Variants in LEPROTL1 observed in about 807,000 individuals in gnomAD.
The protein encoded by LEPROTL1 is leptin receptor overlapping transcript like 1, also known as leptin receptor overlapping transcript-like 1.
In LEPROTL1, 6 loss-of-function variants were observed where a neutral mutation model predicts 15.4. The ratio of observed to expected loss-of-function variants is 0.39; its 90% confidence interval spans 0.21 to 0.77. The LOEUF is 0.77. Among genes scored for constraint, LEPROTL1 ranks in the 30% least tolerant of loss-of-function variants. The pLI is 0.41. For synonymous variants in LEPROTL1, 56 were observed against 52.6 expected (o/e 1.06, Z -0.28); for missense variants, 128 against 158.1 (o/e 0.81, Z 1.02).
Position 30,106,318 on chromosome 8 carries a change from T to G in LEPROTL1, c.*456T>G, listed in dbSNP as rs1402461773. The G allele has an allele frequency of 1.0e-6, 1 of 985,818 alleles. No individual in the cohort carries two copies. Among genetic ancestry groups the G allele is most frequent in the African/African-American group, 1.8e-5 (1 of 56,282 alleles). The allele number at this position is 985,818 out of a possible 1,614,324, so 61.1% of individuals were successfully genotyped here. On this transcript the variant is annotated 3_prime_UTR_variant, in exon 4 of 4. Transcript: ENST00000321250. ...AAAAATTATAAAAATAAGTTTTCAG[T>G]CAGTCAGGATGACATCACTCCCAAT...
chr8:30,137,852 T>A, downstream of LEPROTL1: 3 of 267,532 alleles, frequency 1.1e-5, no homozygotes, highest in South Asian at 1.3e-4. Flanking sequence ...TTAGGAGTCA[T>A]GCAGCTGGAG....
chr8:30,133,144 T>TG (rs1803064587), intron 4 of LEPROTL1, among the ~76,000 whole-genome samples: 1 of 152,186 alleles, frequency 6.6e-6, no homozygotes, highest in Non-Finnish European at 1.5e-5. Flanking sequence ...CTGAAACTCC[T>TG]GGGCTTAAGC....
chr8:30,123,556 T>G (rs1356301387), intron 3 of LEPROTL1, among the ~76,000 whole-genome samples: 2 of 152,212 alleles, frequency 1.3e-5, no homozygotes, highest in Non-Finnish European at 2.9e-5. Flanking sequence ...CCTAAATATG[T>G]CAGGTTTTCT....
At chr8:30,123,887 T>C (rs1802869761) in intron 3 of LEPROTL1, among the ~76,000 whole-genome samples, 1 of 152,054 alleles carries the variant, frequency 6.6e-6, no homozygotes, top group Admixed American at 6.6e-5. Context: ...ACATGAATGA[T>C]GTAAAGGAGC....
chr8:30,119,392 C>G (rs1802793189), intron 3 of LEPROTL1, among the ~76,000 whole-genome samples: 2 of 152,180 alleles, frequency 1.3e-5, no homozygotes, highest in Non-Finnish European at 2.9e-5. Flanking sequence ...CCTACAGTCT[C>G]CCTCATTGGC....
chr8:30,115,924 C>T (rs1377217820), intron 3 of LEPROTL1, among the ~76,000 whole-genome samples: 2 of 152,056 alleles, frequency 1.3e-5, no homozygotes, highest in Non-Finnish European at 2.9e-5. Flanking sequence ...TAGTTGGTCT[C>T]AACCTTCTAA....
chr8:30,120,916 A>G (rs7002577), intron 3 of LEPROTL1, among the ~76,000 whole-genome samples: 131,569 of 152,156 alleles, frequency 0.86, 57,920 homozygotes, highest in South Asian at 0.98. Context: ...ATATACCCGC[A>G]TAATTCTATA....
intron 3 of LEPROTL1, among the ~76,000 whole-genome samples, chr8:30,130,981 T>C (rs974983743): frequency 6.6e-6 from 1 of 151,900 alleles, no homozygotes; most frequent in Admixed American, 6.6e-5. Context: ...GGTTTCACCA[T>C]ATTGGCCAGG....
rs1802558979 is a variant in LEPROTL1, at chr8:30,105,963, C to A, written c.*101C>A. On this transcript the variant is annotated 3_prime_UTR_variant, in exon 4 of 4. Coordinates refer to ENST00000321250, the MANE Select transcript of LEPROTL1 (RefSeq NM_015344.3). Reference sequence around the variant, plus strand: ...GTTAATGCTGAATGGTATAGCAAGCCTCTTGGGGGTATTTTAGGTGCTCCC... The same window carrying A: ...GTTAATGCTGAATGGTATAGCAAGCATCTTGGGGGTATTTTAGGTGCTCCC... The A allele has an allele frequency of 7.6e-7, 1 of 1,317,932 alleles. No individual in the cohort carries two copies. The highest frequency in any genetic ancestry group is 2.1e-5 in the South Asian group (1 of 46,788). 81.6% of individuals were successfully genotyped at this position (1,317,932 alleles called of 1,614,324 possible). A position where few individuals can be genotyped will look rare whatever the true frequency, so the allele number is the denominator to read the frequency against.
chr8:30,101,201 T>C (rs920877254), intron 1 of LEPROTL1, among the ~76,000 whole-genome samples: 2 of 152,202 alleles, frequency 1.3e-5, no homozygotes, highest in Non-Finnish European at 2.9e-5. Context: ...TCCAGTAAAC[T>C]TGAGCATGTG....
At chr8:30,099,701 G>T (rs1043983191) in intron 1 of LEPROTL1, among the ~76,000 whole-genome samples, 1 of 152,060 alleles carries the variant, frequency 6.6e-6, no homozygotes, top group Admixed American at 6.6e-5. Context: ...AAAGTAGAGA[G>T]GAGTGGGAAA....
rs1802343909 is a variant in LEPROTL1, at chr8:30,095,479, C to T, written c.-34C>T. ...CGGCTGCCGCTGCTGCCGCCGCCGC[C>T]TCGGGTCGTGGAGCCAGGAGCGACG... On this transcript the variant is annotated 5_prime_UTR_variant, in exon 1 of 4. Coordinates refer to ENST00000321250, the MANE Select transcript of LEPROTL1 (RefSeq NM_015344.3). 1 of 1,466,158 alleles carries T rather than the reference C, an allele frequency of 6.8e-7. No individual in the cohort carries two copies. The highest frequency in any genetic ancestry group is 1.3e-5 in the South Asian group (1 of 76,952). 90.8% of individuals were successfully genotyped at this position (1,466,158 alleles called of 1,614,324 possible).
At position 30,106,798 on chromosome 8, in the gene LEPROTL1, T is replaced by C. The variant is rs1802576110; in HGVS notation, c.*936T>C. The C allele has an allele frequency of 1.0e-6, 1 of 984,702 alleles. No homozygotes were observed. The allele number at this position is 984,702 out of a possible 1,614,324, so 61.0% of individuals were successfully genotyped here. A position where few individuals can be genotyped will look rare whatever the true frequency, so the allele number is the denominator to read the frequency against. ...GAGGGACAGTTGTATGTTTGCATCA[T>C]ATATGCCAGAAAACCTTCCTCTGCT... is the stretch of plus-strand genomic sequence containing the variant. On this transcript the variant is annotated 3_prime_UTR_variant, in exon 4 of 4. Transcript: ENST00000321250.
At position 30,122,099 on chromosome 8, in the gene LEPROTL1, C is replaced by T. The variant is rs565666711; in HGVS notation, c.280-10276C>T. ...GGAGAATCGCTTGAACCCGGGAGGC[C>T]GAGGTTTCAGTGAGCCGAGATCATG... On this transcript the variant is annotated intron_variant, in intron 3 of 4. Transcript: ENST00000442880. 3.2e-4 allele frequency among the ~76,000 whole-genome samples: 48 copies of T among 150,894 alleles called. No homozygotes were observed. The South Asian group carries it at 9.5e-3, about 30-fold the overall frequency.
intron 1 of LEPROTL1, among the ~76,000 whole-genome samples, chr8:30,099,625 A>G (rs974989879): frequency 1.4e-5 from 2 of 142,056 alleles, no homozygotes; most frequent in East Asian, 2.0e-4. Context: ...AAAAAAAAAA[A>G]CCAGCAAAAA....
chr8:30,103,920 C>G (rs952884139), intron 2 of LEPROTL1, among the ~76,000 whole-genome samples: 15 of 152,076 alleles, frequency 9.9e-5, no homozygotes, highest in Non-Finnish European at 4.4e-5. Context: ...AAATCATACA[C>G]AGAGGTCCCC....
chr8:30,127,982 T>C (rs548018454), intron 3 of LEPROTL1, among the ~76,000 whole-genome samples: 2 of 151,836 alleles, frequency 1.3e-5, no homozygotes, highest in African/African-American at 4.8e-5. Flanking sequence ...GAGTGGGTAA[T>C]GAAGGATAGG....
rs1371527622 is a variant in LEPROTL1, at chr8:30,117,835, A to AC, written c.279+13349_279+13350insC. 4.6e-5 allele frequency: 29 copies of AC among 627,672 alleles called. 1 individual carries two copies. In the East Asian group the frequency reaches 7.3e-4, roughly 16 times the overall value. 38.9% of individuals were successfully genotyped at this position (627,672 alleles called of 1,614,324 possible). A position where few individuals can be genotyped will look rare whatever the true frequency, so the allele number is the denominator to read the frequency against. Reference sequence around the variant, plus strand: ...CAGTGAGACCCTGTTTCTATAAAAAATTTTTAAAATCTGAAAGTTAGCAGA... The same window carrying AC: ...CAGTGAGACCCTGTTTCTATAAAAAACTTTTTAAAATCTGAAAGTTAGCAGA... On this transcript the variant is annotated intron_variant, in intron 3 of 4. Coordinates refer to the LEPROTL1 transcript ENST00000442880.
chr8:30,108,062 A>G lies in LEPROTL1; in HGVS notation c.*2200A>G. On this transcript the variant is annotated 3_prime_UTR_variant, in exon 4 of 4. Coordinates refer to ENST00000321250, the MANE Select transcript of LEPROTL1 (RefSeq NM_015344.3). ...TGATGAAACAATAAAGATTTTAAATATCTATTTTAGTTTGTGGGTGTTTTT... is the reference window on the plus strand; with the variant it reads ...TGATGAAACAATAAAGATTTTAAATGTCTATTTTAGTTTGTGGGTGTTTTT... 1.2e-6 allele frequency: 1 copy of G among 863,450 alleles called. No individual in the cohort carries two copies. The highest frequency in any genetic ancestry group is 1.4e-6 in the Non-Finnish European group (1 of 719,000). 53.5% of individuals were successfully genotyped at this position (863,450 alleles called of 1,614,324 possible).
Sources: gnomAD v4.1 joint callset for allele counts (sites outside exome capture counted in the v4.1 genomes callset) on GRCh38, gnomAD v4.1.1 for gene constraint, MANE v1.5 for transcripts, NCBI Gene and HGNC (gene_info 2026-07-23, HGNC 2026-07-21) for gene names.